The following AFDN variants were observed in gnomAD, a reference collection of about 807,000 sequenced individuals.
AFDN encodes the protein afadin.
AFDN carries 68 observed loss-of-function variants against 216.6 expected under a neutral mutation model. The ratio of observed to expected loss-of-function variants is 0.31; its 90% CI spans 0.26 to 0.38. The LOEUF (loss-of-function observed/expected upper bound fraction) is 0.38. Ranked by LOEUF, AFDN falls within the 10% of genes least tolerant of loss-of-function variation. AFDN has a pLI of 1.00. For synonymous variants in AFDN, 868 were observed against 853.7 expected (o/e 1.02, Z -0.29); for missense variants, 2,136 against 2,342.0 (o/e 0.91, Z 1.82).
In AFDN at chr6:167,970,401, G is replaced by C. The variant is rs1270877128; in HGVS notation, c.*466G>C. The C allele has an allele frequency of 9.0e-6, 2 of 223,208 alleles. No individual in the cohort carries two copies. Among genetic ancestry groups the C allele is most frequent in the Non-Finnish European group, 1.8e-5 (2 of 112,518 alleles). 13.8% of individuals were successfully genotyped at this position (223,208 alleles called of 1,614,324 possible). A position where few individuals can be genotyped will look rare whatever the true frequency, so the allele number is the denominator to read the frequency against. ...AGACTATTGTTGGCACTGTTTAGTA[G>C]TGACCACACGCTCTTCTACCCGGGA... is the stretch of plus-strand genomic sequence containing the variant. On this transcript the variant is annotated 3_prime_UTR_variant, in exon 34 of 34. Transcript: ENST00000683244.
intron 8 of AFDN, among the ~76,000 whole-genome samples, chr6:167,892,002 G>T (rs1159699086): frequency 6.6e-6 from 1 of 152,056 alleles, no homozygotes; most frequent in East Asian, 1.9e-4. Context: ...TATTTGCAAG[G>T]TTTGTTTAGT....
chr6:167,880,279 C>T, intron 5 of AFDN, 81 bp from the exon 6 acceptor site: 2 of 1,348,116 alleles, frequency 1.5e-6, no homozygotes, highest in Non-Finnish European at 2.1e-6. Context: ...GTACCTTTTT[C>T]TCAAGTGACT....
intron 5 of AFDN, among the ~76,000 whole-genome samples, chr6:167,876,883 A>G (rs904722253): frequency 5.3e-5 from 8 of 152,036 alleles, no homozygotes; most frequent in African/African-American, 1.9e-4. Context: ...GAAAAATTTG[A>G]TATGCTTTGT....
rs115300877 is a variant in AFDN at position 167,959,064 on chromosome 6, G to A, written c.4834-3369G>A. Among the ~76,000 whole-genome samples, 582 of 152,354 alleles carry A rather than the reference G, an allele frequency of 3.8e-3. 2 individuals are homozygous for A. The highest frequency in any genetic ancestry group is 0.013 in the African/African-American group (540 of 41,586). On this transcript the variant is annotated intron_variant, in intron 30 of 33. Coordinates refer to ENST00000683244, the MANE Select transcript of AFDN (RefSeq NM_001386888.1). ...TGGAATACAAAGTTTGTATGATTGCGTAAAACAGTTGCCCTAAAAGAACTT... is the reference window on the plus strand; with the variant it reads ...TGGAATACAAAGTTTGTATGATTGCATAAAACAGTTGCCCTAAAAGAACTT...
At chr6:167,946,601 T>G (rs1795290682) in intron 26 of AFDN, 106 bp from the exon 27 acceptor site, 1 of 968,010 alleles carries the variant, frequency 1.0e-6, no homozygotes. Context: ...GAATTGACCT[T>G]TATCACCTTA....
At chr6:167,915,043 A>G (rs1790870779) in intron 18 of AFDN, 125 bp from the exon 19 acceptor site, 2 of 973,734 alleles carry the variant, frequency 2.1e-6, no homozygotes, top group South Asian at 1.6e-5. Context: ...AATGAAGTTG[A>G]TATTTTTAAA....
At chr6:167,954,072 C>T (rs1196342052) in intron 30 of AFDN, among the ~76,000 whole-genome samples, 1 of 152,164 alleles carries the variant, frequency 6.6e-6, no homozygotes, top group Non-Finnish European at 1.5e-5. Context: ...TGGGTTAAAA[C>T]ACTGAATATT....
At chr6:167,928,088 A>G (rs994818646) in intron 23 of AFDN, among the ~76,000 whole-genome samples, 1 of 152,226 alleles carries the variant, frequency 6.6e-6, no homozygotes, top group African/African-American at 2.4e-5. Flanking sequence ...TCTTCCAGTT[A>G]AAAGAAGTAT....
intron 1 of AFDN, among the ~76,000 whole-genome samples, chr6:167,830,933 CTTTTTTT>C (rs71681602): frequency 8.7e-4 from 69 of 79,334 alleles, no homozygotes; most frequent in East Asian, 4.9e-3. Flanking sequence ...ATATTTGAAA[CTTTTTTT>C]TTTTTTTTTT....
At position 167,969,201 on chromosome 6, in the gene AFDN, A is replaced by G. The variant is rs752690351; in HGVS notation, c.5342+3A>G. The G allele has an allele frequency of 6.2e-7, 1 of 1,612,508 alleles. No homozygotes were observed. Among genetic ancestry groups the G allele is most frequent in the Admixed American group, 1.7e-5 (1 of 60,022 alleles). On this transcript the variant is annotated splice_donor_region_variant and intron_variant, in intron 33 of 33. Coordinates refer to ENST00000683244, the MANE Select transcript of AFDN (RefSeq NM_001386888.1). Reference sequence around the variant, plus strand: ...GCAAAAGAGAAGCGCTCTAAAAGGTATGGACGGTTGCACTAGACGAGGAAC... The same window carrying G: ...GCAAAAGAGAAGCGCTCTAAAAGGTGTGGACGGTTGCACTAGACGAGGAAC...
At chr6:167,854,524 A>G (rs1782682395) in intron 1 of AFDN, among the ~76,000 whole-genome samples, 1 of 151,564 alleles carries the variant, frequency 6.6e-6, no homozygotes, top group African/African-American at 2.4e-5. Context: ...CTTATTTCTA[A>G]GTTTTCATGG....
chr6:167,887,126 A>G (rs947032326), intron 6 of AFDN, among the ~76,000 whole-genome samples: 2 of 152,094 alleles, frequency 1.3e-5, no homozygotes, highest in African/African-American at 4.8e-5. Context: ...CTATTTAATA[A>G]TAAACTGTTC....
At chr6:167,837,638 G>A (rs1780595560) in intron 1 of AFDN, among the ~76,000 whole-genome samples, 1 of 152,022 alleles carries the variant, frequency 6.6e-6, no homozygotes. Flanking sequence ...ATCTTTTTAC[G>A]TTCTCCTGTG....
At position 167,971,694 on chromosome 6, in the gene AFDN, T is replaced by C. The variant is rs1798037221; in HGVS notation, c.*1759T>C. 1 of 199,580 alleles carries C rather than the reference T, an allele frequency of 5.0e-6. No individual in the cohort carries two copies. The highest frequency in any genetic ancestry group is 6.0e-5 in the Admixed American group (1 of 16,542). 12.4% of individuals were successfully genotyped at this position (199,580 alleles called of 1,614,324 possible). On this transcript the variant is annotated 3_prime_UTR_variant, in exon 34 of 34. Coordinates refer to ENST00000683244, the MANE Select transcript of AFDN (RefSeq NM_001386888.1). ...ATACACAGGAGAACATGCAGATACATGTAAATATCTACATACAGGGATATT... is the reference window on the plus strand; with the variant it reads ...ATACACAGGAGAACATGCAGATACACGTAAATATCTACATACAGGGATATT...
intron 9 of AFDN, among the ~76,000 whole-genome samples, chr6:167,896,355 C>T (rs1046433348): frequency 6.6e-6 from 1 of 152,096 alleles, no homozygotes; most frequent in African/African-American, 2.4e-5. Context: ...TTTCAGAGGA[C>T]ACATGCTTAG....
chr6:167,877,198 C>A (rs1472079806), intron 5 of AFDN, among the ~76,000 whole-genome samples: 2 of 152,054 alleles, frequency 1.3e-5, no homozygotes, highest in Non-Finnish European at 2.9e-5. Context: ...TTTAGGATGG[C>A]CCCTCTGCTT....
chr6:167,968,071 TC>T (rs1797732694), intron 32 of AFDN, among the ~76,000 whole-genome samples: 1 of 152,106 alleles, frequency 6.6e-6, no homozygotes, highest in Admixed American at 6.5e-5. Context: ...GTCTAAAAGT[TC>T]CGAAAATTCA....
intron 21 of AFDN, among the ~76,000 whole-genome samples, chr6:167,920,392 C>T (rs950921664): frequency 6.6e-6 from 1 of 152,148 alleles, no homozygotes; most frequent in Non-Finnish European, 1.5e-5. Flanking sequence ...AGCTTCCAAG[C>T]GGCAGGCACT....
At chr6:167,849,020 A>C (rs1782003528) in intron 1 of AFDN, among the ~76,000 whole-genome samples, 1 of 152,158 alleles carries the variant, frequency 6.6e-6, no homozygotes, top group East Asian at 1.9e-4. Flanking sequence ...AAATTGCCAG[A>C]GTATGAATTC....
Sources: allele counts gnomAD v4.1 joint callset (sites outside exome capture counted in the v4.1 genomes callset), GRCh38; gene constraint gnomAD v4.1.1; transcripts MANE v1.5; gene names NCBI Gene and HGNC (gene_info 2026-07-23, HGNC 2026-07-21).